RECQL5: variants seen among roughly 807,000 people sequenced by gnomAD.
RECQL5 encodes ATP-dependent DNA helicase Q5.
Under a neutral mutation model 103.4 loss-of-function variants are expected in RECQL5, and 88 were observed. That is an observed-to-expected ratio of 0.85 (90% CI 0.72 to 1.02). The LOEUF (loss-of-function observed/expected upper bound fraction) is 1.02. Among genes scored for constraint, RECQL5 ranks in the 50% least tolerant of loss-of-function variants. The pLI is 0.00. For synonymous variants in RECQL5, 552 were observed against 507.9 expected (o/e 1.09, Z -1.17); for missense variants, 1,232 against 1,284.3 (o/e 0.96, Z 0.62).
At chr17:75,666,906 C>T in intron 1 of RECQL5, 138 bp downstream of exon 1, 2 of 275,074 alleles carry the variant, frequency 7.3e-6, no homozygotes, top group Non-Finnish European at 1.4e-5. Flanking sequence ...ACCACCTGCT[C>T]CTACTTCTAT....
At chr17:75,657,490 T>C (rs1033640585) in intron 7 of RECQL5, among the ~76,000 whole-genome samples, 7 of 152,110 alleles carry the variant, frequency 4.6e-5, no homozygotes, top group African/African-American at 1.7e-4. Context: ...AGCTCACACC[T>C]GTAATCTCAG....
intron 8 of RECQL5, 143 bp from the exon 9 acceptor site, chr17:75,631,811 G>T: frequency 1.3e-6 from 1 of 794,574 alleles, no homozygotes; most frequent in African/African-American, 1.7e-5. Context: ...TCTCATCCAA[G>T]CTGCACCAGG....
At position 75,627,616 on chromosome 17, in the gene RECQL5, C is replaced by G; in HGVS notation, c.2875+7G>C. 2 of 1,613,224 alleles carry G rather than the reference C, an allele frequency of 1.2e-6. No individual in the cohort carries two copies. The highest frequency in any genetic ancestry group is 8.5e-7 in the Non-Finnish European group (1 of 1,179,588). ...TGCCTCCTGGCCCTGGCAATGCCAG[C>G]GCTCACCGCTCCTTCCAGGAGAGGT... On this transcript the variant is annotated splice_region_variant and intron_variant, in intron 19 of 19. Coordinates refer to ENST00000317905, the MANE Select transcript of RECQL5 (RefSeq NM_004259.7).
Position 75,640,412 on chromosome 17 carries a change from A to G in RECQL5, c.1230-8744T>C. On this transcript the variant is annotated intron_variant, in intron 8 of 19. Transcript: ENST00000317905. The surrounding 1 kb of genome is among the most constrained non-coding windows in gnomAD (Gnocchi z 4.6). Reference sequence around the variant, plus strand: ...ATGGTGCCAGCCAGAGGGCTGGCAGAGGTGGCGGGTGTCTGCCGGATCAAG... The same window carrying G: ...ATGGTGCCAGCCAGAGGGCTGGCAGGGGTGGCGGGTGTCTGCCGGATCAAG... The G allele has an allele frequency of 6.9e-7, 1 of 1,450,490 alleles. No individual in the cohort carries two copies. Among genetic ancestry groups the G allele is most frequent in the Non-Finnish European group, 9.1e-7 (1 of 1,097,466 alleles). 89.9% of individuals were successfully genotyped at this position (1,450,490 alleles called of 1,614,324 possible). A position where few individuals can be genotyped will look rare whatever the true frequency, so the allele number is the denominator to read the frequency against.
At chr17:75,627,558 G>A (rs745873667) in intron 19 of RECQL5, 36 bp from the exon 20 acceptor site, 81 of 1,609,820 alleles carry the variant, frequency 5.0e-5, no homozygotes, top group Admixed American at 1.8e-4. Flanking sequence ...GGAGGTGAGC[G>A]TTAGCCTCCT....
rs968721368 is a variant in RECQL5 at position 75,629,929 on chromosome 17, C to T, written c.1813-87G>A. 1.2e-4 allele frequency: 175 copies of T among 1,491,744 alleles called. 2 individuals carry two copies. The East Asian group carries it at 4.0e-3, about 34-fold the overall frequency. 92.4% of individuals were successfully genotyped at this position (1,491,744 alleles called of 1,614,324 possible). A position where few individuals can be genotyped will look rare whatever the true frequency, so the allele number is the denominator to read the frequency against. On this transcript the variant is annotated intron_variant, in intron 14 of 19. Transcript: ENST00000317905. ...AGCCCTCCTTTTCTACTAGGCACTA[C>T]AAGTGGGTTTCTGTGGCCAGTGGCC...
intron 2 of RECQL5, 105 bp downstream of exon 2, chr17:75,666,323 T>C (rs1053059180): frequency 1.4e-5 from 19 of 1,320,274 alleles, no homozygotes; most frequent in African/African-American, 4.4e-5. Context: ...AATCCAGTTA[T>C]GGACCAAAGG....
At chr17:75,630,537 A>C in intron 13 of RECQL5, 82 bp downstream of exon 13, 1 of 1,451,082 alleles carries the variant, frequency 6.9e-7, no homozygotes, top group Non-Finnish European at 9.6e-7. Context: ...TGGCCCAAAC[A>C]GGCCAGGGTT....
intron 3 of RECQL5, among the ~76,000 whole-genome samples, chr17:75,664,154 T>C (rs2059737360): frequency 6.6e-6 from 1 of 152,102 alleles, no homozygotes; most frequent in Admixed American, 6.5e-5. Flanking sequence ...ATTACTGTAG[T>C]TCCCTCTCTA....
At position 75,649,999 on chromosome 17, in the gene RECQL5, C is replaced by A. The variant is rs7213675; in HGVS notation, c.1229+1187G>T. On this transcript the variant is annotated intron_variant, in intron 8 of 19. Coordinates refer to ENST00000317905, the MANE Select transcript of RECQL5 (RefSeq NM_004259.7). ...GACCCTGGGGACAGGCAGAGTTAAC[C>A]CTCCAGAGAGCATTCCAGAGCCTCA... The A allele has an allele frequency of 0.019, 18,625 of 985,472 alleles. 2,185 individuals are homozygous for A. The African/African-American group carries it at 0.27, about 14-fold the overall frequency. The allele number at this position is 985,472 out of a possible 1,614,324, so 61.0% of individuals were successfully genotyped here. A position where few individuals can be genotyped will look rare whatever the true frequency, so the allele number is the denominator to read the frequency against.
intron 8 of RECQL5, among the ~76,000 whole-genome samples, chr17:75,635,159 G>T (rs937463132): frequency 1.5e-4 from 23 of 152,234 alleles, no homozygotes; most frequent in African/African-American, 5.5e-4. Flanking sequence ...TGGAAACCAA[G>T]GACTAGCCCA....
At chr17:75,655,051 G>A (rs556561959) in intron 7 of RECQL5, among the ~76,000 whole-genome samples, 3 of 152,204 alleles carry the variant, frequency 2.0e-5, no homozygotes, top group South Asian at 2.1e-4. Flanking sequence ...TCATTCTCCC[G>A]AAGTGTTGGG....
intron 7 of RECQL5, among the ~76,000 whole-genome samples, chr17:75,653,227 T>C (rs1386835796): frequency 6.6e-6 from 1 of 152,224 alleles, no homozygotes; most frequent in Non-Finnish European, 1.5e-5. Flanking sequence ...CAGGAAGACC[T>C]CTGCACCCTT....
At chr17:75,653,335 TG>T (rs2059578098) in intron 7 of RECQL5, among the ~76,000 whole-genome samples, 1 of 152,202 alleles carries the variant, frequency 6.6e-6, no homozygotes, top group South Asian at 2.1e-4. Flanking sequence ...GTCAGGGCAG[TG>T]GAACTCTAAA....
Position 75,627,052 on chromosome 17 carries a change from G to A in RECQL5, c.*370C>T. 4.7e-6 allele frequency: 2 copies of A among 422,342 alleles called. No individual in the cohort carries two copies. Among genetic ancestry groups the A allele is most frequent in the Non-Finnish European group, 9.4e-6 (2 of 211,878 alleles). The allele number at this position is 422,342 out of a possible 1,614,324, so 26.2% of individuals were successfully genotyped here. A position where few individuals can be genotyped will look rare whatever the true frequency, so the allele number is the denominator to read the frequency against. On this transcript the variant is annotated 3_prime_UTR_variant, in exon 20 of 20. Transcript: ENST00000317905. Reference sequence around the variant, plus strand: ...TGGGTGGAGGATCTGAGGGTCCCCTGGGTAGGTTCCGATACCTTGGACAGG... The same window carrying A: ...TGGGTGGAGGATCTGAGGGTCCCCTAGGTAGGTTCCGATACCTTGGACAGG...
Position 75,647,108 on chromosome 17 carries a change from A to C in RECQL5, c.1229+4078T>G, listed in dbSNP as rs117923318. Among the ~76,000 whole-genome samples, 642 of 152,382 alleles carry C rather than the reference A, an allele frequency of 4.2e-3. 4 individuals carry two copies. Among genetic ancestry groups the C allele is most frequent in the Non-Finnish European group, 6.9e-3 (471 of 68,026 alleles). On this transcript the variant is annotated intron_variant, in intron 8 of 19. Transcript: ENST00000317905. The stretch of plus-strand genomic sequence containing the variant: ...TCAGGAAAGAAGGACTGGAGAATCC[A>C]GGGGCATCCCCTAGGAAGAATCCAG...
chr17:75,630,887 T>A, intron 11 of RECQL5, 50 bp from the exon 12 acceptor site: 1 of 1,551,554 alleles, frequency 6.4e-7, no homozygotes. Flanking sequence ...CCTTCTGCGC[T>A]CTGAGGTCCC....
chr17:75,630,755 G>T, intron 12 of RECQL5, 24 bp downstream of exon 12: 1 of 1,583,402 alleles, frequency 6.3e-7, no homozygotes, highest in South Asian at 1.1e-5. Flanking sequence ...CCGGCGGGTG[G>T]CTGAGGAGCT....
At chr17:75,650,507 A>G in intron 8 of RECQL5, 1 of 1,420,268 alleles carries the variant, frequency 7.0e-7, no homozygotes, top group Non-Finnish European at 9.3e-7. Flanking sequence ...CTGGACCTCA[A>G]TTTATTCACC....
Sources: gnomAD v4.1 joint callset for allele counts (sites outside exome capture counted in the v4.1 genomes callset) on GRCh38, gnomAD v4.1.1 for gene constraint, Gnocchi (gnomAD v3.1) non-coding constraint, MANE v1.5 for transcripts, NCBI Gene and HGNC (gene_info 2026-07-23, HGNC 2026-07-21) for gene names.